MEF2C: variants seen among roughly 807,000 people sequenced by gnomAD.
MEF2C encodes the protein myocyte-specific enhancer factor 2C.
In MEF2C, 6 loss-of-function variants were observed where a neutral mutation model predicts 50.5. The ratio of observed to expected loss-of-function variants is 0.12; its 90% CI spans 0.07 to 0.23. MEF2C has a LOEUF of 0.23. Among genes scored for constraint, MEF2C ranks in the 10% least tolerant of loss-of-function variants. The probability of loss-of-function intolerance (pLI) is 1.00; values close to 1 mark genes in which losing one functional copy is unlikely to be tolerated. For missense variants in MEF2C, 276 were observed against 605.0 expected (o/e 0.46, Z 5.70); for synonymous variants, 183 against 228.0 (o/e 0.80, Z 1.78).
At chr5:88,783,083 G>A (rs1403312645) in intron 3 of MEF2C, among the ~76,000 whole-genome samples, 1 of 151,908 alleles carries the variant, frequency 6.6e-6, no homozygotes, top group Non-Finnish European at 1.5e-5. Flanking sequence ...AATTTGACTT[G>A]TTTGAGCCTA....
At chr5:88,744,077 G>C (rs1051360332) in intron 6 of MEF2C, 76 of 982,150 alleles carry the variant, frequency 7.7e-5, no homozygotes, top group Non-Finnish European at 9.1e-5. Flanking sequence ...GAGCATACTG[G>C]TCCTTTCTAC....
At chr5:88,741,926 T>G in intron 6 of MEF2C, 1 of 985,230 alleles carries the variant, frequency 1.0e-6, no homozygotes, top group Non-Finnish European at 1.2e-6. Flanking sequence ...TTATCCAAGG[T>G]TCTTGGTATA....
intron 3 of MEF2C, among the ~76,000 whole-genome samples, chr5:88,799,866 TCTCTCA>T (rs1252849357): frequency 3.0e-4 from 32 of 108,152 alleles, no homozygotes; most frequent in African/African-American, 9.6e-4. Flanking sequence ...TCTCTCTCTC[TCTCTCA>T]CACACACACA....
intron 6 of MEF2C, chr5:88,736,229 TC>T: frequency 1.7e-5 from 1 of 57,194 alleles, no homozygotes; most frequent in Non-Finnish European, 2.5e-5. Context: ...GCGCGGTGGC[TC>T]ACGCCTGTAA....
intron 3 of MEF2C, among the ~76,000 whole-genome samples, chr5:88,775,558 GT>G (rs1784376474): frequency 6.6e-6 from 1 of 151,906 alleles, no homozygotes; most frequent in South Asian, 2.1e-4. Flanking sequence ...TTATTATCAG[GT>G]TAATTTTTTT....
chr5:88,739,932 C>A (rs924305436), intron 6 of MEF2C: 2 of 985,046 alleles, frequency 2.0e-6, no homozygotes, highest in Admixed American at 6.2e-5. Flanking sequence ...AATAAAGGCT[C>A]CACTTTTTCT....
rs373813100 is a variant in MEF2C, at chr5:88,735,960, A to G, written c.638-4059T>C. ...TCTTTTCTAGGACTTTGAATTATGAATACAAGCATATAAGACTAATAAGCA... is the reference window on the plus strand; with the variant it reads ...TCTTTTCTAGGACTTTGAATTATGAGTACAAGCATATAAGACTAATAAGCA... On this transcript the variant is annotated intron_variant, in intron 6 of 10. Coordinates refer to ENST00000504921, the MANE Select transcript of MEF2C (RefSeq NM_002397.5). 656 of 985,356 alleles carry G rather than the reference A, an allele frequency of 6.7e-4. 23 individuals carry two copies. The South Asian group carries it at 0.028, about 41-fold the overall frequency. 61.0% of individuals were successfully genotyped at this position (985,356 alleles called of 1,614,324 possible).
intron 10 of MEF2C, among the ~76,000 whole-genome samples, chr5:88,724,532 A>G (rs1255257485): frequency 6.6e-6 from 1 of 152,124 alleles, no homozygotes; most frequent in East Asian, 1.9e-4. Flanking sequence ...ATCTTATATA[A>G]TCAAAGCAGT....
At chr5:88,786,878 G>T (rs1791188153) in intron 3 of MEF2C, among the ~76,000 whole-genome samples, 2 of 152,188 alleles carry the variant, frequency 1.3e-5, no homozygotes, top group South Asian at 2.1e-4. Flanking sequence ...GCTCACAGTT[G>T]TAACTGCTTT....
chr5:88,896,183 A>G (rs115760850), intron 1 of MEF2C, among the ~76,000 whole-genome samples: 8 of 152,070 alleles, frequency 5.3e-5, no homozygotes, highest in Non-Finnish European at 1.0e-4. Context: ...ATATTAAGAT[A>G]CTCCTTGAAA....
At chr5:88,856,970 A>G (rs1365244629) in intron 1 of MEF2C, among the ~76,000 whole-genome samples, 1 of 152,190 alleles carries the variant, frequency 6.6e-6, no homozygotes, top group Non-Finnish European at 1.5e-5. Flanking sequence ...AGATCCCAGA[A>G]TGGTAGATCC....
At chr5:88,888,217 T>C (rs1834193024) in intron 1 of MEF2C, 1 of 152,282 alleles carries the variant, frequency 6.6e-6, no homozygotes, top group Non-Finnish European at 1.5e-5. Context: ...CAAATGCTCC[T>C]GTGTTCTGAT....
intron 1 of MEF2C, among the ~76,000 whole-genome samples, chr5:88,897,921 A>G (rs1835278961): frequency 6.6e-6 from 1 of 152,164 alleles, no homozygotes; most frequent in Admixed American, 6.6e-5. Context: ...GGTGCATGTT[A>G]AAATCCAGAT....
chr5:88,900,235 T>C (rs1348583470), intron 1 of MEF2C, among the ~76,000 whole-genome samples: 1 of 151,776 alleles, frequency 6.6e-6, no homozygotes, highest in Non-Finnish European at 1.5e-5. Flanking sequence ...AAATAGACCA[T>C]ATTTACTAAT....
intron 1 of MEF2C, among the ~76,000 whole-genome samples, chr5:88,854,244 G>C (rs1822447087): frequency 6.6e-6 from 1 of 152,160 alleles, no homozygotes; most frequent in Admixed American, 6.5e-5. Flanking sequence ...GGTTTATAGA[G>C]TAGTTATGAT....
At chr5:88,809,624 T>C (rs755272312) in intron 2 of MEF2C, among the ~76,000 whole-genome samples, 14 of 152,186 alleles carry the variant, frequency 9.2e-5, no homozygotes, top group Non-Finnish European at 1.9e-4. Context: ...TCTGAATTCG[T>C]ATTTTTATTT....
intron 1 of MEF2C, among the ~76,000 whole-genome samples, chr5:88,849,556 T>A (rs1019854599): frequency 6.6e-6 from 1 of 152,220 alleles, no homozygotes; most frequent in African/African-American, 2.4e-5. Flanking sequence ...AGTGTTTAAC[T>A]TTGTATCAAT....
Position 88,731,796 on chromosome 5 carries a change from A to G in MEF2C, c.743T>C (p.Met248Thr), listed in dbSNP as rs796052723. Residue 248 changes from methionine (M) to threonine (T), a missense_variant, in exon 7 of 11, where the codon ATG becomes ACG. Around this residue, in one of 2 missense-constraint regions of MEF2C, gnomAD observed 256 missense variants for 468.1 expected, o/e 0.55. Transcript: ENST00000504921. ...TCGGAGATCTGGTTTACGGTTATTC[A>G]TTCCTAAATTCATTGGGGGAGGAGA... ...AKSPPPMNLG[M>T]NNRKPDLRVL... 1.2e-6 allele frequency: 2 copies of G among 1,613,302 alleles called. No homozygotes were observed. The highest frequency in any genetic ancestry group is 2.7e-5 in the African/African-American group (2 of 74,894).
intron 1 of MEF2C, among the ~76,000 whole-genome samples, chr5:88,845,228 A>G (rs1484304967): frequency 1.3e-5 from 2 of 152,216 alleles, no homozygotes; most frequent in Admixed American, 1.3e-4. Context: ...AATGGTGCCT[A>G]TAATTGCTGT....
Sources: gnomAD v4.1 joint callset for allele counts (sites outside exome capture counted in the v4.1 genomes callset) on GRCh38, gnomAD v4.1.1 for gene constraint, gnomAD v4.1.1 regional missense constraint, MANE v1.5 for transcripts, NCBI Gene and HGNC (gene_info 2026-07-23, HGNC 2026-07-21) for gene names.